PDZRN3: variants seen among roughly 807,000 people sequenced by gnomAD.
PDZRN3 encodes the protein PDZ domain containing ring finger 3.
Under a neutral mutation model 85.7 loss-of-function variants are expected in PDZRN3, and 38 were observed. The ratio of observed to expected loss-of-function variants is 0.44; its 90% CI spans 0.34 to 0.58. The LOEUF is 0.58. Ranked by LOEUF, PDZRN3 falls within the 20% of genes least tolerant of loss-of-function variation. PDZRN3 has a pLI of 0.01. For synonymous variants in PDZRN3, 759 were observed against 638.0 expected, an observed-to-expected ratio of 1.19 and a Z score of -2.86; for missense variants, 1,629 against 1,506.4, an observed-to-expected ratio of 1.08 and a Z score of -1.35.
chr3:73,393,692 G>A (rs1170602684), intron 5 of PDZRN3, among the ~76,000 whole-genome samples: 2 of 152,114 alleles, frequency 1.3e-5, no homozygotes, highest in East Asian at 3.9e-4. Context: ...TGTTCCATTT[G>A]AGAGGTGTAA....
intron 3 of PDZRN3, among the ~76,000 whole-genome samples, chr3:73,600,756 C>T: frequency 6.6e-6 from 1 of 152,170 alleles, no homozygotes; most frequent in South Asian, 2.1e-4. Context: ...AAACCCTTGG[C>T]AACGGAAGCT....
chr3:73,437,575 C>T (rs1231726802), intron 3 of PDZRN3, among the ~76,000 whole-genome samples: 4 of 151,964 alleles, frequency 2.6e-5, no homozygotes, highest in Non-Finnish European at 4.4e-5. Flanking sequence ...CTGCAGGAGG[C>T]GGAGAGGAAT....
Position 73,388,083 on chromosome 3 carries a change from A to AAAAAAAAC in PDZRN3, c.1417-15_1417-14insGTTTTTTT. 1.1e-6 allele frequency: 1 copy of AAAAAAAAC among 908,172 alleles called. No individual in the cohort carries two copies. Among genetic ancestry groups the AAAAAAAAC allele is most frequent in the Non-Finnish European group, 1.7e-6 (1 of 588,934 alleles). The allele number at this position is 908,172 out of a possible 1,614,324, so 56.3% of individuals were successfully genotyped here. On this transcript the variant is annotated splice_polypyrimidine_tract_variant and intron_variant, in intron 7 of 9. Coordinates refer to ENST00000263666, the MANE Select transcript of PDZRN3 (RefSeq NM_015009.3). ...TATCCCATTAATCTTTTAAAAAAAA[A>AAAAAAAAC]GGGGGGGTGGGGAGAGTGGGGAGAC...
chr3:73,585,422 A>T (rs1178828796), intron 3 of PDZRN3, among the ~76,000 whole-genome samples: 2 of 152,234 alleles, frequency 1.3e-5, no homozygotes, highest in African/African-American at 4.8e-5. Context: ...AGGTAAAATA[A>T]ATCTGTTTAC....
intron 5 of PDZRN3, among the ~76,000 whole-genome samples, chr3:73,397,762 G>A (rs951146930): frequency 6.6e-6 from 1 of 152,218 alleles, no homozygotes; most frequent in Non-Finnish European, 1.5e-5. Context: ...TTCACTTTAT[G>A]AGAAGGTACT....
chr3:73,520,143 G>C (rs1051988144), intron 3 of PDZRN3, among the ~76,000 whole-genome samples: 31 of 152,086 alleles, frequency 2.0e-4, no homozygotes, highest in African/African-American at 7.5e-4. Flanking sequence ...GAAGAAAGAG[G>C]TAACAGAGAG....
At chr3:73,590,045 G>A (rs1033096891) in intron 3 of PDZRN3, among the ~76,000 whole-genome samples, 1 of 152,008 alleles carries the variant, frequency 6.6e-6, no homozygotes, top group African/African-American at 2.4e-5. Flanking sequence ...AAGGCAGGTG[G>A]ATCACTTGAG....
At chr3:73,399,813 GAGTC>G (rs1701713609) in intron 5 of PDZRN3, among the ~76,000 whole-genome samples, 1 of 152,218 alleles carries the variant, frequency 6.6e-6, no homozygotes, top group Non-Finnish European at 1.5e-5. Context: ...AACTGGCACA[GAGTC>G]AGTCATGCCA....
intron 1 of PDZRN3, among the ~76,000 whole-genome samples, chr3:73,609,955 G>A (rs1702657328): frequency 6.6e-6 from 1 of 152,156 alleles, no homozygotes; most frequent in South Asian, 2.1e-4. Context: ...GGAGAACTGT[G>A]CCCAGTAGAG....
At chr3:73,469,473 AG>A (rs1182248115) in intron 3 of PDZRN3, among the ~76,000 whole-genome samples, 1 of 152,194 alleles carries the variant, frequency 6.6e-6, no homozygotes, top group Non-Finnish European at 1.5e-5. Context: ...CATCAAGGCA[AG>A]GTATGCATGC....
At chr3:73,397,877 A>C (rs1701671921) in intron 5 of PDZRN3, among the ~76,000 whole-genome samples, 1 of 152,208 alleles carries the variant, frequency 6.6e-6, no homozygotes, top group Non-Finnish European at 1.5e-5. Context: ...GTAACCATTC[A>C]AAGGGGCTAG....
chr3:73,624,107 C>T lies in PDZRN3; in HGVS notation c.719G>A (p.Gly240Asp), dbSNP rs1171678119. 1.2e-5 allele frequency: 17 copies of T among 1,456,240 alleles called. No homozygotes were observed. Among genetic ancestry groups the T allele is most frequent in the Non-Finnish European group, 1.3e-5 (15 of 1,112,834 alleles). 90.2% of individuals were successfully genotyped at this position (1,456,240 alleles called of 1,614,324 possible). ...GGGCGGGCAGCAGGCGCCTACCTTG[C>T]CGCCGGGCGGCGCGGCCACGCAGCG... The part of the protein sequence containing the change: ...LSRCVAAPPG[G>D]KGEETKSLTL... Residue 240 changes from glycine (G) to aspartate (D), a missense_variant, in exon 1 of 10, where the codon GGC (glycine) becomes GAC (aspartate). Physicochemically the swap from Gly to Asp is moderately conservative, Grantham distance 94. Coordinates refer to ENST00000263666, the MANE Select transcript of PDZRN3 (RefSeq NM_015009.3).
At chr3:73,478,308 C>G (rs1245271225) in intron 3 of PDZRN3, among the ~76,000 whole-genome samples, 1 of 152,068 alleles carries the variant, frequency 6.6e-6, no homozygotes, top group Non-Finnish European at 1.5e-5. Context: ...ACCACCTAAG[C>G]TCTGTCTCCT....
In PDZRN3 at chr3:73,602,417, C is replaced by G; in HGVS notation, c.855G>C (p.Lys285Asn). 1 of 1,611,694 alleles carries G rather than the reference C, an allele frequency of 6.2e-7. No homozygotes were observed. The highest frequency in any genetic ancestry group is 8.5e-7 in the Non-Finnish European group (1 of 1,177,908). ...TGGCTGCAGGCCCACTGTCAACTAT[C>G]TTGGATACAAAGATTCCTTCACTGG... ...GSSSEGIFVS[K>N]IVDSGPAAKE... Residue 285 changes from lysine to asparagine, a missense_variant, in exon 3 of 10, where the codon AAG becomes AAC. Physicochemically the swap from Lys to Asn is moderately conservative, Grantham distance 94 (BLOSUM62 0). Transcript: ENST00000263666.
rs148870801 is a variant in PDZRN3 at position 73,621,374 on chromosome 3, A to G, written c.723+2729T>C. On this transcript the variant is annotated intron_variant, in intron 1 of 9. Coordinates refer to ENST00000263666, the MANE Select transcript of PDZRN3 (RefSeq NM_015009.3). ...GAGTGTTTCTAATCTCCTTCAGCTT[A>G]TAACAGAGAAGCAAACATTAGGGCT... 5.5e-4 allele frequency among the ~76,000 whole-genome samples: 84 copies of G among 152,360 alleles called. 1 individual carries two copies. Among genetic ancestry groups the G allele is most frequent in the South Asian group, 1.0e-3 (5 of 4,826 alleles).
In PDZRN3 at chr3:73,400,985, G is replaced by T; in HGVS notation, c.1191C>A (p.Tyr397Ter). The change falls in exon 5 of 10, where the codon TAC (tyrosine) becomes TAA (stop). Residue 397 changes from tyrosine to a stop codon, truncating the protein, a stop_gained. Transcript: ENST00000263666. LOFTEE classifies it high-confidence loss of function. ...PEEHPSAHEY[Y>*]DPNDYIGDIH... is the part of the protein sequence containing the mutation. ...TGTCTCCAATGTAGTCATTTGGATC[G>T]TAGTATTCATGGGCTGAGGGATGCC... 6.2e-7 allele frequency: 1 copy of T among 1,613,036 alleles called. No individual in the cohort carries two copies. The highest frequency in any genetic ancestry group is 8.5e-7 in the Non-Finnish European group (1 of 1,178,990).
intron 3 of PDZRN3, among the ~76,000 whole-genome samples, chr3:73,447,067 AATAT>A (rs35272683): frequency 7.0e-6 from 1 of 141,954 alleles, no homozygotes; most frequent in Admixed American, 7.1e-5. Flanking sequence ...AAAGAATTGC[AATAT>A]ATATATATAT....
chr3:73,461,523 G>A (rs1241809345), intron 3 of PDZRN3, among the ~76,000 whole-genome samples: 1 of 152,198 alleles, frequency 6.6e-6, no homozygotes, highest in Non-Finnish European at 1.5e-5. Flanking sequence ...TGTTAAAAAT[G>A]GGCAGTTGGC....
intron 4 of PDZRN3, among the ~76,000 whole-genome samples, 185 bp downstream of exon 4, chr3:73,403,963 A>G (rs1345942026): frequency 6.6e-6 from 1 of 152,220 alleles, no homozygotes; most frequent in African/African-American, 2.4e-5. Context: ...ATAATAAAGT[A>G]ATTAATATGT....
Sources: gnomAD v4.1 joint callset for allele counts (sites outside exome capture counted in the v4.1 genomes callset) on GRCh38, gnomAD v4.1.1 for gene constraint, MANE v1.5 for transcripts, NCBI Gene and HGNC (gene_info 2026-07-23, HGNC 2026-07-21) for gene names.